Variants in THSD4 observed in about 807,000 individuals in gnomAD.
THSD4 encodes the protein thrombospondin type-1 domain-containing protein 4.
In THSD4, 69 loss-of-function variants were observed where a neutral mutation model predicts 119.0. The ratio of observed to expected loss-of-function variants is 0.58; its 90% CI spans 0.48 to 0.71. The LOEUF (loss-of-function observed/expected upper bound fraction) is 0.71, where lower values mean the gene tolerates loss of function less well. THSD4 is among the 30% of genes least tolerant of loss of function. The pLI, the probability that THSD4 is intolerant of heterozygous loss-of-function variation, is 0.00. For missense variants in THSD4, 1,393 were observed against 1,391.1 expected (o/e 1.00, Z -0.02); for synonymous variants, 524 against 540.4 (o/e 0.97, Z 0.42).
At chr15:71,733,960 G>GT (rs1321321554) in intron 10 of THSD4, 1 of 145,116 alleles carries the variant, frequency 6.9e-6, no homozygotes, top group Non-Finnish European at 1.5e-5. Context: ...AATTGTTGTT[G>GT]TTGTTGTTGT....
At chr15:71,196,261 C>G (rs2043718749) in intron 3 of THSD4, among the ~76,000 whole-genome samples, 1 of 152,188 alleles carries the variant, frequency 6.6e-6, no homozygotes, top group South Asian at 2.1e-4. Context: ...ATCACATTGG[C>G]AGCACCTGAA....
At chr15:71,471,625 G>A (rs1435306788) in intron 7 of THSD4, among the ~76,000 whole-genome samples, 2 of 151,528 alleles carry the variant, frequency 1.3e-5, no homozygotes, top group Admixed American at 6.6e-5. Context: ...AGGATGCACT[G>A]CTCAGACATG....
chr15:71,111,483 C>T (rs916401161), upstream of THSD4: 1 of 1,304,574 alleles, frequency 7.7e-7, no homozygotes, highest in Non-Finnish European at 1.1e-6. Context: ...GGGAATCTAC[C>T]CTGAGATTTT....
In THSD4 at chr15:71,582,313, G is replaced by A. The variant is rs566501433; in HGVS notation, c.1153-78217G>A. Among the ~76,000 whole-genome samples, 3 of 152,168 alleles carry A rather than the reference G, an allele frequency of 2.0e-5. No homozygotes were observed. In the South Asian group the frequency reaches 6.2e-4, roughly 32 times the overall value. On this transcript the variant is annotated intron_variant, in intron 7 of 17. Coordinates refer to ENST00000261862, the MANE Select transcript of THSD4 (RefSeq NM_024817.3). Reference sequence around the variant, plus strand: ...TTGTTAATGTATAGAAGTGCAACTGGTTTTTGTATGCTGATGTTGTATCCT... The same window carrying A: ...TTGTTAATGTATAGAAGTGCAACTGATTTTTGTATGCTGATGTTGTATCCT...
chr15:71,182,885 T>C (rs902526041), intron 3 of THSD4, among the ~76,000 whole-genome samples: 1 of 151,830 alleles, frequency 6.6e-6, no homozygotes, highest in Non-Finnish European at 1.5e-5. Context: ...GAAGTCAATG[T>C]CCTTTTGTTC....
chr15:71,260,108 C>A (rs552438680), intron 6 of THSD4, among the ~76,000 whole-genome samples: 5 of 152,294 alleles, frequency 3.3e-5, no homozygotes, highest in African/African-American at 1.2e-4. Context: ...CTGGTAGATG[C>A]AGGTCTAATA....
At chr15:71,167,454 A>G (rs2141397474) in intron 3 of THSD4, among the ~76,000 whole-genome samples, 1 of 152,374 alleles carries the variant, frequency 6.6e-6, no homozygotes, top group African/African-American at 2.4e-5. Context: ...CTCTAAAGTC[A>G]GGATAGAAAG....
At chr15:71,226,234 A>G (rs1204794548) in intron 4 of THSD4, among the ~76,000 whole-genome samples, 1 of 152,206 alleles carries the variant, frequency 6.6e-6, no homozygotes, top group African/African-American at 2.4e-5. Context: ...TTCAAAAAAC[A>G]TAAGACACCA....
At chr15:71,465,007 A>C (rs2047480852) in intron 7 of THSD4, among the ~76,000 whole-genome samples, 2 of 152,054 alleles carry the variant, frequency 1.3e-5, no homozygotes, top group African/African-American at 2.4e-5. Context: ...AATTGAGTCA[A>C]ATTTGTCTTG....
chr15:71,199,740 T>G lies in THSD4; in HGVS notation c.100-15295T>G, dbSNP rs1397720179. 2.5e-5 allele frequency among the ~76,000 whole-genome samples: 3 copies of G among 121,372 alleles called. 1 individual carries two copies. Among genetic ancestry groups the G allele is most frequent in the African/African-American group, 1.2e-4 (3 of 25,540 alleles). 79.6% of individuals were successfully genotyped at this position (121,372 alleles called of 152,430 possible). On this transcript the variant is annotated intron_variant, in intron 3 of 17. Transcript: ENST00000261862. ...GTGTGTGTGTGTAGTGTGTGTGTAGTGTGTGTGGGTGTGTGTGATGTGTGT... is the reference window on the plus strand; with the variant it reads ...GTGTGTGTGTGTAGTGTGTGTGTAGGGTGTGTGGGTGTGTGTGATGTGTGT...
chr15:71,255,002 G>A (rs1334471887), intron 5 of THSD4, among the ~76,000 whole-genome samples: 1 of 152,150 alleles, frequency 6.6e-6, no homozygotes, highest in African/African-American at 2.4e-5. Context: ...CCCCAACTGC[G>A]ACTGTCCTTA....
intron 7 of THSD4, among the ~76,000 whole-genome samples, chr15:71,430,777 A>AAG (rs1555413009): frequency 6.7e-6 from 1 of 148,532 alleles, no homozygotes; most frequent in East Asian, 2.0e-4. Flanking sequence ...AAAAAAAAAA[A>AAG]AAAAAAGAGA....
chr15:71,422,124 A>G (rs181891366), intron 7 of THSD4, among the ~76,000 whole-genome samples: 1 of 152,296 alleles, frequency 6.6e-6, no homozygotes, highest in African/African-American at 2.4e-5. Context: ...GAAAGGTTAC[A>G]TATCTCTTGT....
chr15:71,655,697 C>G (rs991194627), intron 7 of THSD4, among the ~76,000 whole-genome samples: 36 of 152,248 alleles, frequency 2.4e-4, no homozygotes, highest in Non-Finnish European at 4.7e-4. Context: ...TCCAAAGATA[C>G]AGCACTCGTC....
At chr15:71,308,535 G>A (rs1439959668) in intron 6 of THSD4, among the ~76,000 whole-genome samples, 3 of 152,048 alleles carry the variant, frequency 2.0e-5, no homozygotes, top group Non-Finnish European at 2.9e-5. Flanking sequence ...ACATAACATA[G>A]CCATTTTACA....
chr15:71,726,849 A>G (rs979211978), intron 8 of THSD4, among the ~76,000 whole-genome samples: 4 of 151,930 alleles, frequency 2.6e-5, no homozygotes, highest in Non-Finnish European at 1.5e-5. Flanking sequence ...AGGCAGGAGA[A>G]TTGCTTGAAC....
At chr15:71,208,097 C>A (rs1386631177) in intron 3 of THSD4, among the ~76,000 whole-genome samples, 2 of 152,152 alleles carry the variant, frequency 1.3e-5, no homozygotes, top group African/African-American at 4.8e-5. Context: ...GGTCAATTTG[C>A]TGGAAATTCA....
At chr15:71,717,663 G>C (rs1437198065) in intron 8 of THSD4, among the ~76,000 whole-genome samples, 1 of 151,740 alleles carries the variant, frequency 6.6e-6, no homozygotes. Context: ...TAGACACTAA[G>C]ATTAGGGATG....
At chr15:71,281,776 A>G (rs1264594089) in intron 6 of THSD4, among the ~76,000 whole-genome samples, 1 of 152,218 alleles carries the variant, frequency 6.6e-6, no homozygotes, top group Non-Finnish European at 1.5e-5. Flanking sequence ...TATGAAAGGC[A>G]CTTGTTCAGT....
Sources: gnomAD v4.1 joint callset for allele counts (sites outside exome capture counted in the v4.1 genomes callset) on GRCh38, gnomAD v4.1.1 for gene constraint, MANE v1.5 for transcripts, NCBI Gene and HGNC (gene_info 2026-07-23, HGNC 2026-07-21) for gene names.